The following MIGA1 variants were observed in gnomAD, a reference collection of about 807,000 sequenced individuals.
MIGA1 encodes the protein family with sequence similarity 73, member A.
In MIGA1, 58 loss-of-function variants were observed where a neutral mutation model predicts 82.0. The observed-to-expected ratio is 0.71, with a 90% confidence interval of 0.57 to 0.88. The LOEUF (loss-of-function observed/expected upper bound fraction) is 0.88. Among genes scored for constraint, MIGA1 ranks in the 40% least tolerant of loss-of-function variants. The pLI is 0.00. For missense variants in MIGA1, 751 were observed against 749.1 expected, an observed-to-expected ratio of 1.00 and a Z score of -0.03; for synonymous variants, 249 against 253.6, an observed-to-expected ratio of 0.98 and a Z score of 0.17.
chr1:77,858,730 C>A (rs1180836801), intron 8 of MIGA1, among the ~76,000 whole-genome samples: 1 of 152,106 alleles, frequency 6.6e-6, no homozygotes, highest in African/African-American at 2.4e-5. Flanking sequence ...GTGATCTTCC[C>A]ACCTCAATCT....
At chr1:77,827,194 G>T (rs1047181912) in intron 7 of MIGA1, among the ~76,000 whole-genome samples, 1 of 152,132 alleles carries the variant, frequency 6.6e-6, no homozygotes, top group African/African-American at 2.4e-5. Context: ...TGCCTCCTGA[G>T]TTCAAGTGAT....
chr1:77,810,993 C>T, intron 5 of MIGA1: 10 of 1,612,412 alleles, frequency 6.2e-6, no homozygotes, highest in South Asian at 1.1e-5. Context: ...TAATTTCATC[C>T]ATCTCCATGA....
chr1:77,797,339 T>G (rs1682697979), intron 2 of MIGA1, among the ~76,000 whole-genome samples: 1 of 152,238 alleles, frequency 6.6e-6, no homozygotes, highest in African/African-American at 2.4e-5. Flanking sequence ...GTGTGTTTCT[T>G]GCAGGCTGTC....
chr1:77,795,113 G>A (rs1682599240), intron 2 of MIGA1, among the ~76,000 whole-genome samples: 1 of 151,736 alleles, frequency 6.6e-6, no homozygotes, highest in Admixed American at 6.6e-5. Context: ...ACAGGCGCAT[G>A]CCACCATGCC....
chr1:77,878,716 A>C lies in MIGA1; in HGVS notation c.*3652A>C. On this transcript the variant is annotated 3_prime_UTR_variant, in exon 16 of 16. Transcript: ENST00000370791. ...TCATTTTTTGTATTTTAATTTCCCTACATTTTTGTTCAACTAAGAGTGCTT... is the reference window on the plus strand; with the variant it reads ...TCATTTTTTGTATTTTAATTTCCCTCCATTTTTGTTCAACTAAGAGTGCTT... The C allele has an allele frequency of 2.7e-6, 1 of 377,110 alleles. No individual in the cohort carries two copies. Among genetic ancestry groups the C allele is most frequent in the Non-Finnish European group, 4.7e-6 (1 of 211,436 alleles). The allele number at this position is 377,110 out of a possible 1,614,324, so 23.4% of individuals were successfully genotyped here.
chr1:77,811,500 T>C, intron 5 of MIGA1: 1 of 1,561,224 alleles, frequency 6.4e-7, no homozygotes, highest in Non-Finnish European at 8.8e-7. Flanking sequence ...GGATTGGTTC[T>C]AGCTTCTTCA....
At chr1:77,781,783 G>A (rs569177029) in intron 1 of MIGA1, among the ~76,000 whole-genome samples, 16 of 152,276 alleles carry the variant, frequency 1.1e-4, no homozygotes, top group African/African-American at 3.9e-4. Context: ...CCCTAGTAAG[G>A]ATTAAGGGAA....
chr1:77,827,228 A>G (rs1684065002), intron 7 of MIGA1, among the ~76,000 whole-genome samples: 1 of 152,104 alleles, frequency 6.6e-6, no homozygotes, highest in East Asian at 1.9e-4. Context: ...CCTCCCGACT[A>G]CCACGCCTGA....
At chr1:77,849,642 A>C (rs544695563) in intron 8 of MIGA1, among the ~76,000 whole-genome samples, 3 of 152,354 alleles carry the variant, frequency 2.0e-5, no homozygotes, top group East Asian at 3.9e-4. Flanking sequence ...AAAATACACC[A>C]ATAATAATGT....
At chr1:77,821,585 G>C (rs1226534010) in intron 7 of MIGA1, among the ~76,000 whole-genome samples, 1 of 152,012 alleles carries the variant, frequency 6.6e-6, no homozygotes, top group Non-Finnish European at 1.5e-5. Flanking sequence ...AGTAGAGACA[G>C]GGTTTCTCCA....
intron 7 of MIGA1, among the ~76,000 whole-genome samples, chr1:77,838,993 T>C (rs1348366040): frequency 6.6e-6 from 1 of 152,192 alleles, no homozygotes. Flanking sequence ...ATTTGGACAT[T>C]TGGTTTCTTT....
chr1:77,824,490 C>T (rs576123478), intron 7 of MIGA1, among the ~76,000 whole-genome samples: 5 of 152,204 alleles, frequency 3.3e-5, no homozygotes, highest in African/African-American at 9.6e-5. Context: ...CCTAGGCATT[C>T]GAGGCTTCAG....
intron 2 of MIGA1, among the ~76,000 whole-genome samples, chr1:77,793,258 A>G (rs1022845496): frequency 6.6e-6 from 1 of 151,868 alleles, no homozygotes; most frequent in Non-Finnish European, 1.5e-5. Flanking sequence ...ATGCACCACC[A>G]TGCCTGGCTA....
intron 2 of MIGA1, among the ~76,000 whole-genome samples, chr1:77,796,258 A>G (rs894584104): frequency 6.6e-6 from 1 of 151,560 alleles, no homozygotes; most frequent in African/African-American, 2.4e-5. Flanking sequence ...AGCTGGGACT[A>G]CAGGCGACCG....
chr1:77,837,672 G>T (rs150249749), intron 7 of MIGA1, among the ~76,000 whole-genome samples: 1 of 152,262 alleles, frequency 6.6e-6, no homozygotes, highest in East Asian at 1.9e-4. Flanking sequence ...TGATTAAATA[G>T]CAGACATTCC....
chr1:77,792,950 G>A (rs771362910), intron 2 of MIGA1, among the ~76,000 whole-genome samples: 6 of 151,848 alleles, frequency 4.0e-5, no homozygotes, highest in African/African-American at 7.3e-5. Flanking sequence ...CACTATGCCC[G>A]GCTAATTTTT....
At chr1:77,800,111 C>G (rs1469448818) in intron 2 of MIGA1, among the ~76,000 whole-genome samples, 1 of 152,100 alleles carries the variant, frequency 6.6e-6, no homozygotes, top group Non-Finnish European at 1.5e-5. Flanking sequence ...GGTTATGGTG[C>G]TGGTTCATGC....
chr1:77,846,056 G>T (rs571248702), intron 8 of MIGA1, among the ~76,000 whole-genome samples: 1 of 146,622 alleles, frequency 6.8e-6, no homozygotes, highest in African/African-American at 2.5e-5. Context: ...TTATATAGTT[G>T]TGCAGCCAGC....
At chr1:77,831,629 C>T (rs1227358555) in intron 7 of MIGA1, among the ~76,000 whole-genome samples, 1 of 152,108 alleles carries the variant, frequency 6.6e-6, no homozygotes, top group Non-Finnish European at 1.5e-5. Flanking sequence ...CCAGGAATAA[C>T]TTATACTTTA....
Sources: allele counts gnomAD v4.1 joint callset (sites outside exome capture counted in the v4.1 genomes callset), GRCh38; gene constraint gnomAD v4.1.1; transcripts MANE v1.5; gene names NCBI Gene and HGNC (gene_info 2026-07-23, HGNC 2026-07-21).